The following AFF1 variants were observed in gnomAD, a reference collection of about 807,000 sequenced individuals.
The protein encoded by AFF1 is ALF transcription elongation factor 1.
In AFF1, 48 loss-of-function variants were observed where a neutral mutation model predicts 121.7. The observed-to-expected ratio is 0.39, with a 90% confidence interval of 0.31 to 0.50. The LOEUF is 0.50. AFF1 is among the 20% of genes least tolerant of loss of function. The probability of loss-of-function intolerance (pLI) is 0.76; values close to 1 mark genes in which losing one functional copy is unlikely to be tolerated. For synonymous variants in AFF1, 613 were observed against 563.0 expected, an observed-to-expected ratio of 1.09 and a Z score of -1.26; for missense variants, 1,523 against 1,511.7, an observed-to-expected ratio of 1.01 and a Z score of -0.12.
Position 87,037,559 on chromosome 4 carries a change from C to T in AFF1, c.39-8607C>T, listed in dbSNP as rs150870237. ...AACTCCTGACCTCAAGTGATCTGCC[C>T]GCCTCGGCCTCCCAAAGTGCTGAGA... On this transcript the variant is annotated intron_variant, in intron 2 of 20. Coordinates refer to ENST00000395146, the MANE Select transcript of AFF1 (RefSeq NM_001166693.3). Among the ~76,000 whole-genome samples, 592 of 152,142 alleles carry T rather than the reference C, an allele frequency of 3.9e-3. 1 individual carries two copies. The highest frequency in any genetic ancestry group is 0.013 in the African/African-American group (551 of 41,498).
chr4:87,090,025 T>TA lies in AFF1; in HGVS notation c.1147dup (p.Thr383AsnfsTer3). 1 of 1,614,000 alleles carries TA rather than the reference T, an allele frequency of 6.2e-7. No individual in the cohort carries two copies. The highest frequency in any genetic ancestry group is 8.5e-7 in the Non-Finnish European group (1 of 1,179,964). On this transcript the variant is annotated frameshift_variant, in exon 6 of 21. Transcript: ENST00000395146. LOFTEE classifies it high-confidence loss of function. Reference sequence around the variant, plus strand: ...GGCCGCCTCCTTTGACAGCAATACATACGCCTAGTACAGCTGAGCCATCCA... The same window carrying TA: ...GGCCGCCTCCTTTGACAGCAATACATAACGCCTAGTACAGCTGAGCCATCCA...
rs536671568 is a variant in AFF1 at position 87,030,586 on chromosome 4, G to C, written c.39-15580G>C. 3.3e-5 allele frequency among the ~76,000 whole-genome samples: 5 copies of C among 151,890 alleles called. No individual in the cohort carries two copies. The East Asian group carries it at 9.7e-4, about 29-fold the overall frequency. On this transcript the variant is annotated intron_variant, in intron 2 of 20. Coordinates refer to ENST00000395146, the MANE Select transcript of AFF1 (RefSeq NM_001166693.3). ...TGAAACACTGGTCTAAGCATGTCAG[G>C]AAATAAGCGAACAGTTTGGGGGTGG...
chr4:87,041,633 T>G (rs1023819907), intron 2 of AFF1, among the ~76,000 whole-genome samples: 3 of 152,070 alleles, frequency 2.0e-5, no homozygotes, highest in Admixed American at 1.3e-4. Flanking sequence ...GCCAGGCTGA[T>G]GTTGGGATAC....
At chr4:87,099,849 T>C (rs1042094002) in intron 8 of AFF1, among the ~76,000 whole-genome samples, 2 of 152,150 alleles carry the variant, frequency 1.3e-5, no homozygotes, top group African/African-American at 4.8e-5. Flanking sequence ...AGGAATTCTT[T>C]GGATAGTAGT....
chr4:87,118,772 T>A (rs1727370754), intron 12 of AFF1, among the ~76,000 whole-genome samples: 1 of 152,178 alleles, frequency 6.6e-6, no homozygotes, highest in Non-Finnish European at 1.5e-5. Flanking sequence ...TTGAGGGTAG[T>A]TGTCTAGCTC....
chr4:86,975,832 G>A (rs1723262093), intron 2 of AFF1, among the ~76,000 whole-genome samples: 1 of 152,184 alleles, frequency 6.6e-6, no homozygotes, highest in African/African-American at 2.4e-5. Context: ...TGACCTATGA[G>A]AAGTACTGTG....
Position 87,115,216 on chromosome 4 carries a change from G to A in AFF1, c.2383G>A (p.Asp795Asn), listed in dbSNP as rs1291763419. 20 of 1,614,092 alleles carry A rather than the reference G, an allele frequency of 1.2e-5. No homozygotes were observed. Among genetic ancestry groups the A allele is most frequent in the East Asian group, 2.2e-5 (1 of 44,884 alleles). Residue 795 changes from aspartate (D) to asparagine (N), a missense_variant, in exon 12 of 21, where the codon GAT becomes AAT. Physicochemically the swap from Asp to Asn is conservative, Grantham distance 23 (BLOSUM62 1). Around this residue, in one of 5 missense-constraint regions of AFF1, gnomAD observed 905 missense variants for 842.5 expected, o/e 1.07. Transcript: ENST00000395146. ...GKGSRQRKAE[D>N]KQPPAGKKHS... ...GGGGAGCCGCCAGAGGAAAGCAGAA[G>A]ATAAACAGCCGCCCGCAGGGAAGAA...
Position 87,135,755 on chromosome 4 carries a change from C to T in AFF1, c.*54C>T. 1 of 1,570,532 alleles carries T rather than the reference C, an allele frequency of 6.4e-7. No individual in the cohort carries two copies. The stretch of plus-strand genomic sequence containing the variant: ...GGAACTATTTTTGCACATTGGAAGC[C>T]TCAAAAACAGTCCAGACATTTGTTT... On this transcript the variant is annotated 3_prime_UTR_variant, in exon 21 of 21. Transcript: ENST00000395146.
intron 4 of AFF1, 55 bp from the exon 5 acceptor site, chr4:87,084,065 C>T: frequency 6.7e-7 from 1 of 1,502,954 alleles, no homozygotes. Context: ...TCCACCAGTA[C>T]CATCACTCTT....
intron 4 of AFF1, chr4:87,047,895 T>TA: frequency 4.8e-6 from 2 of 415,866 alleles, no homozygotes; most frequent in South Asian, 4.5e-5. Flanking sequence ...AAAAAATAGA[T>TA]ACACCTATAG....
intron 2 of AFF1, among the ~76,000 whole-genome samples, chr4:86,971,393 T>C (rs1378118159): frequency 1.3e-5 from 2 of 152,218 alleles, no homozygotes; most frequent in East Asian, 1.9e-4. Flanking sequence ...ATTTATGATA[T>C]TTTCTAGAAT....
intron 2 of AFF1, among the ~76,000 whole-genome samples, chr4:87,006,835 T>A (rs1366319797): frequency 1.3e-5 from 2 of 152,176 alleles, no homozygotes; most frequent in Non-Finnish European, 2.9e-5. Flanking sequence ...GCGCCCAGGC[T>A]CTGCCCCCTA....
At chr4:87,057,414 T>C (rs527339071) in intron 4 of AFF1, among the ~76,000 whole-genome samples, 3 of 152,172 alleles carry the variant, frequency 2.0e-5, no homozygotes, top group Non-Finnish European at 2.9e-5. Context: ...CTGTAAGACT[T>C]TGGGCAAGGA....
intron 2 of AFF1, among the ~76,000 whole-genome samples, chr4:87,017,000 T>C (rs992465139): frequency 1.3e-5 from 2 of 152,142 alleles, no homozygotes; most frequent in African/African-American, 4.8e-5. Flanking sequence ...GGACAGGTTG[T>C]CCCAATTTTT....
chr4:86,971,707 G>A (rs1380048195), intron 2 of AFF1, among the ~76,000 whole-genome samples: 1 of 152,202 alleles, frequency 6.6e-6, no homozygotes, highest in Non-Finnish European at 1.5e-5. Flanking sequence ...CAGTCTATTG[G>A]ACACTATGGG....
chr4:87,020,721 T>C, intron 2 of AFF1: 1 of 847,728 alleles, frequency 1.2e-6, no homozygotes, highest in Non-Finnish European at 1.4e-6. Context: ...CCTGACCTCA[T>C]GATCCGCCTG....
intron 2 of AFF1, among the ~76,000 whole-genome samples, chr4:86,989,117 A>G (rs1393379150): frequency 6.6e-6 from 1 of 152,228 alleles, no homozygotes; most frequent in African/African-American, 2.4e-5. Context: ...CATTCAGGAC[A>G]TAGAATTGGG....
At chr4:87,099,881 G>A (rs1185380589) in intron 8 of AFF1, among the ~76,000 whole-genome samples, 1 of 152,186 alleles carries the variant, frequency 6.6e-6, no homozygotes, top group Non-Finnish European at 1.5e-5. Context: ...GAAAAGAGGG[G>A]TCCAGAAAGG....
chr4:86,977,786 T>A (rs2149486949), intron 2 of AFF1, among the ~76,000 whole-genome samples: 1 of 152,322 alleles, frequency 6.6e-6, no homozygotes, highest in Admixed American at 6.5e-5. Context: ...TTTGTTGAAT[T>A]GCTTTGAAAG....
Sources: allele counts gnomAD v4.1 joint callset (sites outside exome capture counted in the v4.1 genomes callset), GRCh38; gene constraint gnomAD v4.1.1; regional missense constraint gnomAD v4.1.1; transcripts MANE v1.5; gene names NCBI Gene and HGNC (gene_info 2026-07-23, HGNC 2026-07-21).